GGH: variants seen among roughly 807,000 people sequenced by gnomAD.
GGH encodes gamma-glutamyl hydrolase, also known as gamma-Glu-X carboxypeptidase.
Under a neutral mutation model 39.2 loss-of-function variants are expected in GGH, and 18 were observed. The observed-to-expected ratio is 0.46, with a 90% CI of 0.32 to 0.68. The LOEUF (loss-of-function observed/expected upper bound fraction) is 0.68. Ranked by LOEUF, GGH falls within the 30% of genes least tolerant of loss-of-function variation. GGH has a pLI of 0.04. For missense variants in GGH, 367 were observed against 384.1 expected, an observed-to-expected ratio of 0.96 and a Z score of 0.37; for synonymous variants, 147 against 138.8, an observed-to-expected ratio of 1.06 and a Z score of -0.42.
At chr8:63,033,708 G>A (rs1804846877) in intron 2 of GGH, among the ~76,000 whole-genome samples, 1 of 151,924 alleles carries the variant, frequency 6.6e-6, no homozygotes, top group Non-Finnish European at 1.5e-5. Context: ...GAGGTTTGGG[G>A]TACAAATGAT....
chr8:63,038,772 G>GCTCGCCGCCT lies in GGH; in HGVS notation c.-14_-5dup. ...GCAGGCAGCCCGGACTGGCCATGGC[G>GCTCGCCGCCT]CTCGCCGCCTCCCGCCGCCTTTCAA... On this transcript the variant is annotated 5_prime_UTR_variant, in exon 1 of 9. Coordinates refer to ENST00000260118, the MANE Select transcript of GGH (RefSeq NM_003878.3). The GCTCGCCGCCT allele has an allele frequency of 6.6e-7, 1 of 1,514,984 alleles. No individual in the cohort carries two copies. Among genetic ancestry groups the GCTCGCCGCCT allele is most frequent in the South Asian group, 1.2e-5 (1 of 81,546 alleles). 93.8% of individuals were successfully genotyped at this position (1,514,984 alleles called of 1,614,324 possible).
intron 7 of GGH, among the ~76,000 whole-genome samples, chr8:63,022,678 C>CTT (rs34415067): frequency 0.023 from 3,372 of 143,534 alleles, 53 homozygotes; most frequent in Middle Eastern, 0.032. Flanking sequence ...CCATGCCCAG[C>CTT]TTTTTTTTTT....
chr8:63,025,517 G>C (rs1804667846), intron 5 of GGH, among the ~76,000 whole-genome samples: 1 of 152,134 alleles, frequency 6.6e-6, no homozygotes, highest in African/African-American at 2.4e-5. Context: ...TGGATCACCT[G>C]AGGTCAGGAG....
chr8:63,023,866 T>C (rs1267177275), intron 7 of GGH, 41 bp downstream of exon 7: 2 of 1,288,654 alleles, frequency 1.6e-6, no homozygotes, highest in East Asian at 2.8e-5. Flanking sequence ...TTTAAAAATA[T>C]AAAATAAGTG....
intron 2 of GGH, among the ~76,000 whole-genome samples, chr8:63,033,985 A>ATATATATATATATGTCTCTCCT (rs1804852801): frequency 1.0e-5 from 1 of 99,654 alleles, no homozygotes; most frequent in East Asian, 3.1e-4. Context: ...GTCTCTCCTT[A>ATATATATATATATGTCTCTCCT]TATATATATA....
At chr8:63,035,042 C>T (rs959432682) in intron 2 of GGH, among the ~76,000 whole-genome samples, 3 of 152,000 alleles carry the variant, frequency 2.0e-5, no homozygotes, top group Non-Finnish European at 4.4e-5. Context: ...CCCCCAACCA[C>T]TTTAGATTAT....
chr8:63,035,841 A>G (rs1200370602), intron 1 of GGH, 71 bp from the exon 2 acceptor site: 2 of 1,266,366 alleles, frequency 1.6e-6, no homozygotes, highest in Non-Finnish European at 2.3e-6. Flanking sequence ...AATATATCAC[A>G]GCAAAAATAT....
intron 7 of GGH, among the ~76,000 whole-genome samples, chr8:63,018,279 CA>C (rs886820513): frequency 2.0e-5 from 3 of 150,088 alleles, no homozygotes; most frequent in Non-Finnish European, 3.0e-5. Flanking sequence ...TTCCACAATT[CA>C]AAAAAAAAGT....
intron 7 of GGH, 29 bp from the exon 8 acceptor site, chr8:63,017,659 C>A: frequency 7.2e-7 from 1 of 1,397,598 alleles, no homozygotes; most frequent in South Asian, 1.3e-5. Flanking sequence ...TTAGTAAGTA[C>A]TAAGAATGGT....
At chr8:63,022,413 GCATTTA>G (rs1804605101) in intron 7 of GGH, among the ~76,000 whole-genome samples, 1 of 151,814 alleles carries the variant, frequency 6.6e-6, no homozygotes, top group East Asian at 1.9e-4. Flanking sequence ...GACACATTTG[GCATTTA>G]CATTTACATG....
At chr8:63,037,880 TTC>T (rs1415962984) in intron 1 of GGH, among the ~76,000 whole-genome samples, 9 of 152,328 alleles carry the variant, frequency 5.9e-5, no homozygotes, top group East Asian at 1.9e-4. Flanking sequence ...TTCATCTACT[TTC>T]TGTTTAGTTA....
chr8:63,035,701 TAGG>T lies in GGH; in HGVS notation c.176_178del (p.Ser59del). 1 of 1,613,668 alleles carries T rather than the reference TAGG, an allele frequency of 6.2e-7. No individual in the cohort carries two copies. The highest frequency in any genetic ancestry group is 1.1e-5 in the South Asian group (1 of 90,994). On this transcript the variant is annotated inframe_deletion, in exon 2 of 9. Transcript: ENST00000260118. ...ACCTGCAGACTCCAAGTACTTTACA[TAGG>T]ACGCAGCAATATAGTATCTTCCATA...
At chr8:63,027,896 G>T (rs568956047) in intron 3 of GGH, among the ~76,000 whole-genome samples, 1 of 151,478 alleles carries the variant, frequency 6.6e-6, no homozygotes, top group East Asian at 1.9e-4. Context: ...CACTTATAAA[G>T]GTGAAATATA....
chr8:63,038,291 T>C (rs1010250394), intron 1 of GGH, among the ~76,000 whole-genome samples: 2 of 152,238 alleles, frequency 1.3e-5, no homozygotes, highest in African/African-American at 4.8e-5. Context: ...ATGCAATGCA[T>C]GTACAGAATT....
At chr8:63,031,328 T>C (rs1179990325) in intron 2 of GGH, among the ~76,000 whole-genome samples, 1 of 152,200 alleles carries the variant, frequency 6.6e-6, no homozygotes, top group Non-Finnish European at 1.5e-5. Flanking sequence ...CACAAAGCAA[T>C]GGGTGATACC....
At chr8:63,031,040 C>G (rs975028731) in intron 2 of GGH, among the ~76,000 whole-genome samples, 1 of 152,226 alleles carries the variant, frequency 6.6e-6, no homozygotes, top group Non-Finnish European at 1.5e-5. Flanking sequence ...CATTTAGCAG[C>G]CTTCTGTTTC....
At chr8:63,036,324 T>C (rs1804908343) in intron 1 of GGH, among the ~76,000 whole-genome samples, 1 of 152,186 alleles carries the variant, frequency 6.6e-6, no homozygotes, top group South Asian at 2.1e-4. Context: ...TCGGATCATA[T>C]CACCATTCCT....
chr8:63,016,407 C>G (rs1003470494), intron 8 of GGH, among the ~76,000 whole-genome samples: 1 of 152,020 alleles, frequency 6.6e-6, no homozygotes, highest in African/African-American at 2.4e-5. Context: ...GTAGGAAGTA[C>G]TTGACTTCCC....
intron 4 of GGH, 181 bp downstream of exon 4, chr8:63,027,000 G>A (rs1804698429): frequency 1.6e-6 from 1 of 610,416 alleles, no homozygotes; most frequent in Admixed American, 3.1e-5. Context: ...GGAAGCCCAG[G>A]ATTAGATGAA....
Sources: gnomAD v4.1 joint callset for allele counts (sites outside exome capture counted in the v4.1 genomes callset) on GRCh38, gnomAD v4.1.1 for gene constraint, MANE v1.5 for transcripts, NCBI Gene and HGNC (gene_info 2026-07-23, HGNC 2026-07-21) for gene names.